The following EFCAB7 variants were observed in gnomAD, a reference collection of about 807,000 sequenced individuals.
EFCAB7 encodes EF-hand calcium binding domain 7.
In EFCAB7, 66 loss-of-function variants were observed where a neutral mutation model predicts 77.1. The observed-to-expected ratio is 0.86, with a 90% CI of 0.70 to 1.05. The LOEUF (loss-of-function observed/expected upper bound fraction) is 1.05. EFCAB7 is among the 50% of genes least tolerant of loss of function. EFCAB7 has a pLI of 0.00. For synonymous variants in EFCAB7, 225 were observed against 243.3 expected (o/e 0.92, Z 0.70); for missense variants, 638 against 730.5 (o/e 0.87, Z 1.46).
At chr1:63,531,297 C>T (rs2100870915) in intron 2 of EFCAB7, among the ~76,000 whole-genome samples, 1 of 150,084 alleles carries the variant, frequency 6.7e-6, no homozygotes, top group Non-Finnish European at 1.5e-5. Context: ...TCTTCAGCGT[C>T]TAGCTTATTT....
At chr1:63,549,489 G>A (rs1386860650) in intron 7 of EFCAB7, 2 of 459,242 alleles carry the variant, frequency 4.4e-6, no homozygotes, top group Non-Finnish European at 8.9e-6. Context: ...TATCCAGGAG[G>A]TGGATAATTA....
At chr1:63,545,518 G>A (rs754556873) in intron 6 of EFCAB7, among the ~76,000 whole-genome samples, 29 of 152,182 alleles carry the variant, frequency 1.9e-4, no homozygotes, top group Non-Finnish European at 3.2e-4. Flanking sequence ...CCAAGCTGGA[G>A]TACAATGGCG....
At chr1:63,577,349 A>C (rs904754267), downstream of EFCAB7, among the ~76,000 whole-genome samples, 1 of 152,218 alleles carries the variant, frequency 6.6e-6, no homozygotes, top group Non-Finnish European at 1.5e-5. Context: ...TTCCAATTGA[A>C]TACAAGAGTA....
Position 63,532,774 on chromosome 1 carries a change from G to T in EFCAB7, c.486+18G>T. ...ACATCAAGGTACATAAGCTCACATT[G>T]ATGTAAATTTACATACTGTGTTGGA... On this transcript the variant is annotated intron_variant, in intron 4 of 13. Transcript: ENST00000371088. 1 of 1,573,502 alleles carries T rather than the reference G, an allele frequency of 6.4e-7. No individual in the cohort carries two copies. Among genetic ancestry groups the T allele is most frequent in the East Asian group, 2.3e-5 (1 of 44,104 alleles).
intron 11 of EFCAB7, among the ~76,000 whole-genome samples, chr1:63,567,577 C>G (rs1647184790): frequency 6.6e-6 from 1 of 152,110 alleles, no homozygotes; most frequent in South Asian, 2.1e-4. Flanking sequence ...AGAGGTGGCA[C>G]TTAAGCTTTA....
intron 3 of EFCAB7, among the ~76,000 whole-genome samples, chr1:63,532,268 G>C (rs931621248): frequency 4.6e-5 from 7 of 151,880 alleles, no homozygotes; most frequent in Admixed American, 4.6e-4. Context: ...TATTTAATTG[G>C]TTCCTGTTCA....
At chr1:63,580,431 G>C in the EFCAB7 span, among the ~76,000 whole-genome samples, 1 of 151,954 alleles carries the variant, frequency 6.6e-6, no homozygotes, top group Non-Finnish European at 1.5e-5. Flanking sequence ...TCCATTGATC[G>C]ATGTGTCTTT....
Position 63,532,760 on chromosome 1 carries a change from C to A in EFCAB7, c.486+4C>A. On this transcript the variant is annotated splice_donor_region_variant and intron_variant, in intron 4 of 13. Transcript: ENST00000371088. ...TGGCAAATTTGACTACATCAAGGTA[C>A]ATAAGCTCACATTGATGTAAATTTA... 6.3e-7 allele frequency: 1 copy of A among 1,585,646 alleles called. No individual in the cohort carries two copies. Among genetic ancestry groups the A allele is most frequent in the South Asian group, 1.2e-5 (1 of 86,026 alleles).
At chr1:63,530,305 C>T (rs901861900) in intron 2 of EFCAB7, among the ~76,000 whole-genome samples, 3 of 152,074 alleles carry the variant, frequency 2.0e-5, no homozygotes, top group Non-Finnish European at 4.4e-5. Context: ...TTGTGAATTT[C>T]TATAAAGATA....
chr1:63,550,176 T>C (rs1222987816), intron 7 of EFCAB7: 2 of 152,220 alleles, frequency 1.3e-5, no homozygotes. Flanking sequence ...AATTTGTAAC[T>C]TTTATCCACT....
downstream of EFCAB7, among the ~76,000 whole-genome samples, chr1:63,577,248 T>C (rs971367777): frequency 2.0e-5 from 3 of 152,172 alleles, no homozygotes; most frequent in African/African-American, 4.8e-5. Flanking sequence ...TATGGTTCCA[T>C]TTCTCAAAAA....
intron 6 of EFCAB7, among the ~76,000 whole-genome samples, chr1:63,538,530 T>C (rs1362347657): frequency 3.9e-5 from 6 of 152,096 alleles, no homozygotes; most frequent in African/African-American, 1.2e-4. Context: ...CTTGGCTCAC[T>C]GCAACCTCCG....
intron 6 of EFCAB7, among the ~76,000 whole-genome samples, chr1:63,539,957 G>A (rs949989291): frequency 5.9e-5 from 6 of 102,492 alleles, no homozygotes; most frequent in Non-Finnish European, 1.0e-4. Context: ...TTATGTTAAG[G>A]GCAATTGGGT....
chr1:63,534,442 C>T (rs914825725), intron 6 of EFCAB7: 3 of 335,892 alleles, frequency 8.9e-6, no homozygotes, highest in Non-Finnish European at 1.6e-5. Context: ...GTTTTATAAC[C>T]TGATGAGTAG....
chr1:63,526,356 G>A (rs1458729168), intron 2 of EFCAB7, among the ~76,000 whole-genome samples: 1 of 152,072 alleles, frequency 6.6e-6, no homozygotes, highest in South Asian at 2.1e-4. Context: ...TTAGTCATGA[G>A]AGAGTAGTAA....
intron 8 of EFCAB7, 53 bp from the exon 9 acceptor site, chr1:63,555,305 A>G (rs1647017208): frequency 2.0e-6 from 3 of 1,514,820 alleles, no homozygotes; most frequent in African/African-American, 1.4e-5. Context: ...TTTAAATTAA[A>G]AGATGAAAAG....
intron 11 of EFCAB7, among the ~76,000 whole-genome samples, chr1:63,565,203 CA>C (rs1398524410): frequency 1.3e-5 from 2 of 151,778 alleles, no homozygotes; most frequent in Non-Finnish European, 2.9e-5. Flanking sequence ...ACTAAAAATA[CA>C]AAAAATTAGC....
rs1228182636 is a variant in EFCAB7 at position 63,549,412 on chromosome 1, A to AGTCTTAAGTCC, written c.947-2313_947-2312insGTCTTAAGTCC. Reference sequence around the variant, plus strand: ...TTGATGCCAAAGAGTTCCAATATTGAACATCTTAAGTCTGTTACTTGGAGT... The same window carrying AGTCTTAAGTCC: ...TTGATGCCAAAGAGTTCCAATATTGAGTCTTAAGTCCACATCTTAAGTCTGTTACTTGGAGT... On this transcript the variant is annotated intron_variant, in intron 7 of 13. Coordinates refer to ENST00000371088, the MANE Select transcript of EFCAB7 (RefSeq NM_032437.4). The AGTCTTAAGTCC allele has an allele frequency of 1.1e-5, 5 of 468,746 alleles. No individual in the cohort carries two copies. In the Admixed American group the frequency reaches 1.2e-4, roughly 11 times the overall value. 29.0% of individuals were successfully genotyped at this position (468,746 alleles called of 1,614,324 possible). A position where few individuals can be genotyped will look rare whatever the true frequency, so the allele number is the denominator to read the frequency against.
the EFCAB7 span, among the ~76,000 whole-genome samples, chr1:63,580,566 C>T: frequency 6.6e-6 from 1 of 152,094 alleles, no homozygotes; most frequent in Non-Finnish European, 1.5e-5. Context: ...TAGTTTCTTT[C>T]CCTTTTCATA....
Sources: allele counts gnomAD v4.1 joint callset (sites outside exome capture counted in the v4.1 genomes callset), GRCh38; gene constraint gnomAD v4.1.1; transcripts MANE v1.5; gene names NCBI Gene and HGNC (gene_info 2026-07-23, HGNC 2026-07-21).